EPHA3: variants seen among roughly 807,000 people sequenced by gnomAD.
The protein encoded by EPHA3 is ephrin type-A receptor 3.
A neutral mutation model predicts 107.1 loss-of-function variants in EPHA3; 42 were observed. The observed-to-expected ratio is 0.39, with a 90% CI of 0.31 to 0.51. The LOEUF is 0.51. Among genes scored for constraint, EPHA3 ranks in the 20% least tolerant of loss-of-function variants. EPHA3 has a pLI of 0.78. For synonymous variants in EPHA3, 461 were observed against 424.8 expected (o/e 1.09, Z -1.05); for missense variants, 1,183 against 1,211.2 (o/e 0.98, Z 0.35).
chr3:89,193,859 T>C lies in EPHA3; in HGVS notation c.154-16001T>C, dbSNP rs1705776108. On this transcript the variant is annotated intron_variant, in intron 2 of 16. Coordinates refer to ENST00000336596, the MANE Select transcript of EPHA3 (RefSeq NM_005233.6). ...CTATGAACATGTTATATGAATAGTA[T>C]TGAACCATTTTTCTGAGCTCAAAAT... Among the ~76,000 whole-genome samples the C allele has an allele frequency of 3.3e-5, 5 of 152,168 alleles. No homozygotes were observed. In the South Asian group the frequency reaches 1.0e-3, roughly 32 times the overall value.
At chr3:89,412,963 T>A (rs1261929448) in intron 9 of EPHA3, among the ~76,000 whole-genome samples, 178 bp from the exon 10 acceptor site, 3 of 151,798 alleles carry the variant, frequency 2.0e-5, no homozygotes, top group Non-Finnish European at 4.4e-5. Context: ...CATGTTTTCT[T>A]AAATTTTTCA....
chr3:89,381,780 G>T lies in EPHA3; in HGVS notation c.1307-14057G>T, dbSNP rs1708514913. On this transcript the variant is annotated intron_variant, in intron 5 of 16. Transcript: ENST00000336596. ...GCTCTTATAATGAAGGCTCCATAGA[G>T]CTACCTTGTCCTTCCATCTTGTGAA... Among the ~76,000 whole-genome samples, 3 of 152,178 alleles carry T rather than the reference G, an allele frequency of 2.0e-5. No homozygotes were observed. The South Asian group carries it at 6.2e-4, about 32-fold the overall frequency.
intron 13 of EPHA3, among the ~76,000 whole-genome samples, chr3:89,442,997 A>T (rs1015513470): frequency 1.3e-5 from 2 of 152,220 alleles, no homozygotes; most frequent in Non-Finnish European, 2.9e-5. Context: ...TTAAGACATC[A>T]TGGAGTAAAA....
chr3:89,289,726 C>T (rs1706168769), intron 3 of EPHA3, among the ~76,000 whole-genome samples: 1 of 151,990 alleles, frequency 6.6e-6, no homozygotes, highest in Non-Finnish European at 1.5e-5. Context: ...CAAGGGGTGA[C>T]AGAGAGAGTT....
intron 3 of EPHA3, among the ~76,000 whole-genome samples, chr3:89,336,246 C>T (rs1234793631): frequency 1.3e-5 from 2 of 151,574 alleles, no homozygotes; most frequent in Admixed American, 1.3e-4. Flanking sequence ...GATTGTTACT[C>T]ACTAGTTTTA....
rs144507533 is a variant in EPHA3 at position 89,382,128 on chromosome 3, C to A, written c.1307-13709C>A. On this transcript the variant is annotated intron_variant, in intron 5 of 16. Transcript: ENST00000336596. ...TTGAAAAAAGTTCTAGATTATATTTCTCTACTGCAATTGTTTTGAAATGCA... is the reference window on the plus strand; with the variant it reads ...TTGAAAAAAGTTCTAGATTATATTTATCTACTGCAATTGTTTTGAAATGCA... Among the ~76,000 whole-genome samples, 8 of 152,218 alleles carry A rather than the reference C, an allele frequency of 5.3e-5. No homozygotes were observed. In the East Asian group the frequency reaches 1.5e-3, roughly 29 times the overall value.
intron 2 of EPHA3, among the ~76,000 whole-genome samples, chr3:89,206,722 T>C (rs1706116294): frequency 2.6e-5 from 4 of 152,198 alleles, no homozygotes. Context: ...GGCACCTCAA[T>C]GTAAAACCCT....
intron 3 of EPHA3, among the ~76,000 whole-genome samples, chr3:89,229,074 A>T (rs941374521): frequency 1.3e-5 from 2 of 151,840 alleles, no homozygotes; most frequent in Admixed American, 6.6e-5. Flanking sequence ...CATTCTTCTC[A>T]TTTTTCTGAA....
chr3:89,398,699 C>G (rs1708897031), intron 6 of EPHA3, among the ~76,000 whole-genome samples: 1 of 152,116 alleles, frequency 6.6e-6, no homozygotes, highest in South Asian at 2.1e-4. Flanking sequence ...TTTCTCTCAG[C>G]CTTGACTTTG....
At chr3:89,163,019 A>G (rs1460743996) in intron 2 of EPHA3, among the ~76,000 whole-genome samples, 1 of 152,196 alleles carries the variant, frequency 6.6e-6, no homozygotes, top group Admixed American at 6.5e-5. Flanking sequence ...TCATACTAAG[A>G]TATAAATGAT....
intron 13 of EPHA3, among the ~76,000 whole-genome samples, chr3:89,447,448 G>T (rs1442431882): frequency 6.6e-6 from 1 of 152,020 alleles, no homozygotes; most frequent in Non-Finnish European, 1.5e-5. Flanking sequence ...TACTCTCCCT[G>T]AACAGCTCAT....
intron 3 of EPHA3, among the ~76,000 whole-genome samples, chr3:89,295,745 C>T (rs1332275701): frequency 6.6e-6 from 1 of 152,054 alleles, no homozygotes; most frequent in African/African-American, 2.4e-5. Flanking sequence ...CATGCACCAC[C>T]ACACCCGGCT....
rs1262606547 is a variant in EPHA3, at chr3:89,419,272, T to G, written c.1956T>G (p.Ile652Met). Residue 652 changes from isoleucine to methionine, a missense_variant, in exon 11 of 17, where the codon ATT becomes ATG. By Grantham distance (10) the Ile-to-Met change is conservative (BLOSUM62 1). Transcript: ENST00000336596. ...CAAAAAAAGAGATTTCAGTGGCCAT[T>G]AAGACCCTGAAAGTTGGCTACACAG... ...LPSKKEISVA[I>M]KTLKVGYTEK... is the part of the protein sequence containing the mutation. The G allele has an allele frequency of 6.2e-7, 1 of 1,610,502 alleles. No homozygotes were observed. The highest frequency in any genetic ancestry group is 2.2e-5 in the East Asian group (1 of 44,780).
chr3:89,467,159 T>C (rs1710297711), intron 15 of EPHA3, among the ~76,000 whole-genome samples: 1 of 152,162 alleles, frequency 6.6e-6, no homozygotes, highest in Admixed American at 6.5e-5. Flanking sequence ...TAAAATAAAT[T>C]GGCAAATATA....
chr3:89,370,267 A>G (rs1448514048), intron 5 of EPHA3, among the ~76,000 whole-genome samples: 1 of 151,466 alleles, frequency 6.6e-6, no homozygotes, highest in Admixed American at 6.6e-5. Flanking sequence ...CAAATGTCCA[A>G]CAATGATAGA....
intron 2 of EPHA3, among the ~76,000 whole-genome samples, chr3:89,185,750 C>G (rs566255956): frequency 6.6e-6 from 1 of 152,162 alleles, no homozygotes; most frequent in South Asian, 2.1e-4. Context: ...TCTTGGTTCA[C>G]ATATTCGCAT....
intron 3 of EPHA3, among the ~76,000 whole-genome samples, chr3:89,249,419 T>A (rs1298295702): frequency 6.6e-6 from 1 of 152,178 alleles, no homozygotes; most frequent in Non-Finnish European, 1.5e-5. Flanking sequence ...GTTATTAGCT[T>A]CTGATCAAGC....
chr3:89,258,691 A>G (rs1322312083), intron 3 of EPHA3, among the ~76,000 whole-genome samples: 6 of 152,234 alleles, frequency 3.9e-5, no homozygotes, highest in Admixed American at 3.3e-4. Flanking sequence ...AGAAATACAT[A>G]CATTACATAT....
chr3:89,269,409 T>C (rs1705611392), intron 3 of EPHA3, among the ~76,000 whole-genome samples: 1 of 151,990 alleles, frequency 6.6e-6, no homozygotes. Context: ...AAAAGCTTGA[T>C]GTACAGGGCA....
Sources: gnomAD v4.1 joint callset for allele counts (sites outside exome capture counted in the v4.1 genomes callset) on GRCh38, gnomAD v4.1.1 for gene constraint, MANE v1.5 for transcripts, NCBI Gene and HGNC (gene_info 2026-07-23, HGNC 2026-07-21) for gene names.